ARHGEF10L: variants seen among roughly 807,000 people sequenced by gnomAD.
ARHGEF10L encodes Rho guanine nucleotide exchange factor 10 like, also known as rho guanine nucleotide exchange factor 10-like protein.
A neutral mutation model predicts 141.2 loss-of-function variants in ARHGEF10L; 69 were observed. That is an observed-to-expected ratio of 0.49 (90% confidence interval 0.40 to 0.60). The LOEUF is 0.60. Among genes scored for constraint, ARHGEF10L ranks in the 20% least tolerant of loss-of-function variants. The pLI is 0.00. For missense variants in ARHGEF10L, 1,482 were observed against 1,734.3 expected (o/e 0.85, Z 2.58); for synonymous variants, 711 against 718.5 (o/e 0.99, Z 0.17).
rs939098158 is a variant in ARHGEF10L at position 17,674,483 on chromosome 1, G to A, written c.3009+9888G>A. Among the ~76,000 whole-genome samples, 5 of 152,350 alleles carry A rather than the reference G, an allele frequency of 3.3e-5. No individual in the cohort carries two copies. The South Asian group carries it at 1.0e-3, about 32-fold the overall frequency. ...GTCAGCCGCATACACGTGCCCAGCT[G>A]TGAGGCAGACACACCTGCCACTGAT... On this transcript the variant is annotated intron_variant, in intron 26 of 28. Transcript: ENST00000361221.
intron 26 of ARHGEF10L, among the ~76,000 whole-genome samples, chr1:17,679,321 A>T (rs558761011): frequency 6.6e-6 from 1 of 152,246 alleles, no homozygotes; most frequent in African/African-American, 2.4e-5. Flanking sequence ...ACCAGGTCAG[A>T]CTCTGAGGGC....
At chr1:17,581,629 G>T (rs931516204) in intron 2 of ARHGEF10L, among the ~76,000 whole-genome samples, 34 of 152,274 alleles carry the variant, frequency 2.2e-4, no homozygotes, top group African/African-American at 7.9e-4. Context: ...TTAGACTGTG[G>T]GGCTGGTTAA....
chr1:17,598,684 G>A (rs1282001730), intron 4 of ARHGEF10L, among the ~76,000 whole-genome samples: 2 of 151,874 alleles, frequency 1.3e-5, no homozygotes, highest in Admixed American at 6.6e-5. Flanking sequence ...GACTTTTTTT[G>A]TCAGGGGAAC....
intron 25 of ARHGEF10L, among the ~76,000 whole-genome samples, chr1:17,662,684 G>C (rs1441521397): frequency 6.6e-6 from 1 of 152,016 alleles, no homozygotes; most frequent in Non-Finnish European, 1.5e-5. Context: ...GGTAGGCCAG[G>C]GTATGGTAGG....
At chr1:17,571,704 T>C (rs540998284) in intron 1 of ARHGEF10L, among the ~76,000 whole-genome samples, 2 of 152,186 alleles carry the variant, frequency 1.3e-5, no homozygotes, top group East Asian at 3.9e-4. Context: ...CGGCTAATTT[T>C]TGTATTTTTA....
upstream of ARHGEF10L, among the ~76,000 whole-genome samples, chr1:17,539,264 G>A (rs1023931402): frequency 1.3e-5 from 2 of 152,234 alleles, no homozygotes; most frequent in Admixed American, 1.3e-4. This position sits in a 1 kb window ranked among gnomAD's most constrained non-coding sequence, Gnocchi z 6.0. Flanking sequence ...TTGAGGGGCA[G>A]GTCATAAGTC....
chr1:17,665,762 G>C (rs903962303), intron 26 of ARHGEF10L, among the ~76,000 whole-genome samples: 2 of 152,210 alleles, frequency 1.3e-5, no homozygotes, highest in African/African-American at 2.4e-5. Flanking sequence ...GTTTGCGCAA[G>C]TATATGTATA....
At chr1:17,515,773 A>G in the ARHGEF10L span, among the ~76,000 whole-genome samples, 1 of 150,268 alleles carries the variant, frequency 6.7e-6, no homozygotes, top group East Asian at 2.0e-4. Context: ...CTCCTGAGTA[A>G]CTGGGAGAAC....
intron 1 of ARHGEF10L, among the ~76,000 whole-genome samples, chr1:17,577,118 C>T (rs1237961388): frequency 1.3e-5 from 2 of 152,218 alleles, no homozygotes; most frequent in Non-Finnish European, 1.5e-5. Context: ...GATCTTGGCT[C>T]ACTGCAACAT....
chr1:17,571,270 G>A (rs2077987350), intron 1 of ARHGEF10L, among the ~76,000 whole-genome samples: 1 of 152,106 alleles, frequency 6.6e-6, no homozygotes, highest in South Asian at 2.1e-4. Context: ...GGCAGAATGG[G>A]GACCGAGATG....
chr1:17,555,981 A>G (rs114089714), intron 1 of ARHGEF10L, among the ~76,000 whole-genome samples: 2,909 of 151,986 alleles, frequency 0.019, 55 homozygotes, highest in Non-Finnish European at 0.032. Flanking sequence ...ACCTGGGAGC[A>G]TATTTGGAGG....
chr1:17,638,799 G>A (rs2061165694), intron 20 of ARHGEF10L, 110 bp downstream of exon 20: 1 of 1,504,836 alleles, frequency 6.6e-7, no homozygotes, highest in Non-Finnish European at 8.9e-7. Context: ...AGATGCCATG[G>A]TGGGAGTGGA....
At chr1:17,524,409 AC>A in the ARHGEF10L span, among the ~76,000 whole-genome samples, 10 of 147,436 alleles carry the variant, frequency 6.8e-5, no homozygotes, top group Non-Finnish European at 1.1e-4. Flanking sequence ...ACACACACAC[AC>A]ACACACACAC....
In ARHGEF10L at chr1:17,626,003, G is replaced by C. The variant is rs760255422; in HGVS notation, c.1365G>C (p.Met455Ile). ...ACCGTGTCACCCTCTACGGGCTGAT[G>C]GTCAAGCCCATCCAGAGGTTCCCAC... is the stretch of plus-strand genomic sequence containing the variant. ...SPDRVTLYGL[M>I]VKPIQRFPQF... The change falls in exon 14 of 29, where the codon ATG (methionine) becomes ATC (isoleucine). Residue 455 changes from methionine (M) to isoleucine (I), a missense_variant. By Grantham distance (10) the Met-to-Ile change is conservative. Coordinates refer to ENST00000361221, the MANE Select transcript of ARHGEF10L (RefSeq NM_018125.4). The C allele has an allele frequency of 6.2e-7, 1 of 1,613,960 alleles. No homozygotes were observed. The highest frequency in any genetic ancestry group is 8.5e-7 in the Non-Finnish European group (1 of 1,179,894).
intron 1 of ARHGEF10L, among the ~76,000 whole-genome samples, chr1:17,569,184 G>A (rs2077887072): frequency 6.6e-6 from 1 of 152,216 alleles, no homozygotes; most frequent in Non-Finnish European, 1.5e-5. Flanking sequence ...TGGAGGAACT[G>A]GTGGGAGGAT....
intron 21 of ARHGEF10L, among the ~76,000 whole-genome samples, chr1:17,642,328 G>C (rs528579085): frequency 6.6e-6 from 1 of 152,200 alleles, no homozygotes; most frequent in Non-Finnish European, 1.5e-5. Context: ...CCTGAGGTAG[G>C]GACAGAAGGA....
At chr1:17,634,588 C>T in intron 17 of ARHGEF10L, 26 bp downstream of exon 17, 1 of 1,602,084 alleles carries the variant, frequency 6.2e-7, no homozygotes, top group Non-Finnish European at 8.5e-7. Context: ...GGCTCCGGGG[C>T]TCTGGGGCTC....
chr1:17,586,772 G>C (rs2079056808), intron 2 of ARHGEF10L, among the ~76,000 whole-genome samples: 1 of 152,120 alleles, frequency 6.6e-6, no homozygotes, highest in African/African-American at 2.4e-5. Flanking sequence ...TCCTGTAGTA[G>C]GGTAGGCGGG....
chr1:17,636,019 A>T (rs2060978396), intron 18 of ARHGEF10L, among the ~76,000 whole-genome samples: 1 of 152,124 alleles, frequency 6.6e-6, no homozygotes, highest in African/African-American at 2.4e-5. Flanking sequence ...GCCCACTTCC[A>T]GATGCTGTCT....
Sources: gnomAD v4.1 joint callset for allele counts (sites outside exome capture counted in the v4.1 genomes callset) on GRCh38, gnomAD v4.1.1 for gene constraint, Gnocchi (gnomAD v3.1) non-coding constraint, MANE v1.5 for transcripts, NCBI Gene and HGNC (gene_info 2026-07-23, HGNC 2026-07-21) for gene names.